PEBP4: variants seen among roughly 807,000 people sequenced by gnomAD.
PEBP4 encodes phosphatidylethanolamine binding protein 4.
A neutral mutation model predicts 23.9 loss-of-function variants in PEBP4; 22 were observed. The observed-to-expected ratio is 0.92, with a 90% confidence interval of 0.66 to 1.31. PEBP4 has a LOEUF of 1.31. Ranked by LOEUF, PEBP4 falls within the 40% of genes most tolerant of loss-of-function variation. The probability of loss-of-function intolerance (pLI) is 0.00; values close to 1 mark genes in which losing one functional copy is unlikely to be tolerated. For synonymous variants in PEBP4, 112 were observed against 99.3 expected, an observed-to-expected ratio of 1.13 and a Z score of -0.76; for missense variants, 324 against 281.7, an observed-to-expected ratio of 1.15 and a Z score of -1.07.
At chr8:22,804,425 A>G (rs1421865833) in intron 4 of PEBP4, among the ~76,000 whole-genome samples, 1 of 152,070 alleles carries the variant, frequency 6.6e-6, no homozygotes, top group Admixed American at 6.5e-5. Context: ...CTGGATAAAG[A>G]CCGGACATTG....
intron 3 of PEBP4, among the ~76,000 whole-genome samples, chr8:22,898,391 C>CAAA (rs536993520): frequency 0.036 from 290 of 7,966 alleles, 116 homozygotes; most frequent in South Asian, 0.05. Flanking sequence ...GACTCCACCC[C>CAAA]AAAAAAAAAA....
upstream of PEBP4, among the ~76,000 whole-genome samples, chr8:22,928,518 G>A (rs886739430): frequency 1.2e-4 from 18 of 152,208 alleles, no homozygotes; most frequent in African/African-American, 4.1e-4. Context: ...AGTGCACTGG[G>A]AGGAAGGGGA....
chr8:22,778,203 C>T (rs938463444), intron 4 of PEBP4, among the ~76,000 whole-genome samples: 3 of 151,920 alleles, frequency 2.0e-5, no homozygotes, highest in Admixed American at 6.6e-5. Flanking sequence ...TCCATCTCGC[C>T]CCTCTCTGCT....
At chr8:22,896,379 A>G (rs377303251) in intron 3 of PEBP4, 1 of 152,166 alleles carries the variant, frequency 6.6e-6, no homozygotes, top group East Asian at 1.9e-4. Flanking sequence ...CCAGGCTCCA[A>G]CGTGTTTGCT....
At chr8:22,847,911 G>T (rs1335459800) in intron 3 of PEBP4, among the ~76,000 whole-genome samples, 1 of 152,210 alleles carries the variant, frequency 6.6e-6, no homozygotes, top group Admixed American at 6.5e-5. Context: ...GGTAATCGCT[G>T]AACTCTGTGA....
Position 22,755,428 on chromosome 8 carries a change from C to T in PEBP4, c.358-28208G>A, listed in dbSNP as rs371823874. On this transcript the variant is annotated intron_variant, in intron 4 of 6. Transcript: ENST00000256404. ...TCGGCTCATTGCAACCTCTGCTTTC[C>T]GGGTTCAAGCGTTTCTCCTGCCTCA... Among the ~76,000 whole-genome samples the T allele has an allele frequency of 5.6e-4, 83 of 148,820 alleles. 1 individual carries two copies. The East Asian group carries it at 0.012, about 21-fold the overall frequency.
At chr8:22,927,551 G>T (rs1329520234) in intron 2 of PEBP4, 33 bp downstream of exon 2, 1 of 1,595,204 alleles carries the variant, frequency 6.3e-7, no homozygotes, top group East Asian at 2.3e-5. Context: ...GGTAGCCTCT[G>T]TGCCTCCCGC....
chr8:22,768,831 C>T (rs770561146), intron 4 of PEBP4, among the ~76,000 whole-genome samples: 5 of 152,124 alleles, frequency 3.3e-5, no homozygotes, highest in Admixed American at 6.5e-5. Flanking sequence ...GCTGTGTCAC[C>T]GGCAGATACG....
At chr8:22,789,870 G>A (rs1044571932) in intron 4 of PEBP4, among the ~76,000 whole-genome samples, 5 of 152,326 alleles carry the variant, frequency 3.3e-5, no homozygotes, top group African/African-American at 4.8e-5. Flanking sequence ...CAACATCTTC[G>A]GGGACAGGTG....
chr8:22,897,521 C>T (rs974759376), intron 3 of PEBP4, among the ~76,000 whole-genome samples: 1 of 152,146 alleles, frequency 6.6e-6, no homozygotes, highest in African/African-American at 2.4e-5. Context: ...AAAAATACCA[C>T]CGAGTATTTT....
intron 1 of PEBP4, among the ~76,000 whole-genome samples, chr8:22,936,824 C>T (rs753605149): frequency 1.3e-5 from 2 of 152,112 alleles, no homozygotes; most frequent in South Asian, 2.1e-4. Flanking sequence ...AACATAATAC[C>T]GCCACATTAA....
chr8:22,836,722 C>T (rs2128764941), intron 3 of PEBP4, among the ~76,000 whole-genome samples: 1 of 152,300 alleles, frequency 6.6e-6, no homozygotes, highest in South Asian at 2.1e-4. Context: ...TACCCCGGGT[C>T]ACTGCAACTT....
chr8:22,750,929 A>G (rs1324143512), intron 4 of PEBP4, among the ~76,000 whole-genome samples: 1 of 152,184 alleles, frequency 6.6e-6, no homozygotes, highest in Admixed American at 6.5e-5. Context: ...ATAGGGGGAG[A>G]GAGAGAGAAA....
chr8:22,895,336 T>C (rs541061039), intron 3 of PEBP4: 52 of 152,316 alleles, frequency 3.4e-4, no homozygotes, highest in African/African-American at 1.3e-3. Context: ...CATAATAATG[T>C]TGGGGTGGGC....
At chr8:22,874,944 G>C (rs1380862674) in intron 3 of PEBP4, among the ~76,000 whole-genome samples, 1 of 152,010 alleles carries the variant, frequency 6.6e-6, no homozygotes, top group East Asian at 1.9e-4. Flanking sequence ...TCAGGGGCAA[G>C]TAATTTCCAG....
intron 4 of PEBP4, among the ~76,000 whole-genome samples, chr8:22,728,983 G>A (rs1469154554): frequency 6.6e-6 from 1 of 152,088 alleles, no homozygotes; most frequent in African/African-American, 2.4e-5. Context: ...TCAACATCAG[G>A]TCCCACCCAT....
At chr8:22,878,698 C>T (rs1412021594) in intron 3 of PEBP4, among the ~76,000 whole-genome samples, 3 of 152,228 alleles carry the variant, frequency 2.0e-5, no homozygotes, top group Non-Finnish European at 2.9e-5. Context: ...GATCTCCAAA[C>T]AGGGGTGCAT....
At chr8:22,824,981 G>A (rs1481044926) in intron 3 of PEBP4, among the ~76,000 whole-genome samples, 1 of 152,212 alleles carries the variant, frequency 6.6e-6, no homozygotes, top group East Asian at 1.9e-4. Flanking sequence ...GGGCACTGTT[G>A]CAGATGGTCA....
At chr8:22,868,536 T>C (rs986143354) in intron 3 of PEBP4, among the ~76,000 whole-genome samples, 2 of 152,092 alleles carry the variant, frequency 1.3e-5, no homozygotes, top group Non-Finnish European at 2.9e-5. Context: ...AACCCTGAAC[T>C]CTAAACCCAT....
Sources: gnomAD v4.1 joint callset for allele counts (sites outside exome capture counted in the v4.1 genomes callset) on GRCh38, gnomAD v4.1.1 for gene constraint, MANE v1.5 for transcripts, NCBI Gene and HGNC (gene_info 2026-07-23, HGNC 2026-07-21) for gene names.